Variants in AMD1 observed in about 807,000 individuals in gnomAD.
AMD1 encodes the protein S-adenosylmethionine decarboxylase proenzyme.
A neutral mutation model predicts 40.2 loss-of-function variants in AMD1; 11 were observed. That is an observed-to-expected ratio of 0.27 (90% CI 0.17 to 0.45). The LOEUF (loss-of-function observed/expected upper bound fraction) is 0.45, where lower values mean the gene tolerates loss of function less well. Ranked by LOEUF, AMD1 falls within the 20% of genes least tolerant of loss-of-function variation. AMD1 has a pLI of 1.00. For missense variants in AMD1, 257 were observed against 410.2 expected (o/e 0.63, Z 3.23); for synonymous variants, 121 against 130.8 (o/e 0.93, Z 0.51).
chr6:110,866,610 A>G, the AMD1 span, among the ~76,000 whole-genome samples: 2 of 152,172 alleles, frequency 1.3e-5, no homozygotes, highest in Non-Finnish European at 2.9e-5. Context: ...GTGAAAAGCT[A>G]TGTTCAGGTG....
At chr6:110,873,744 T>C (rs1054769206), upstream of AMD1, among the ~76,000 whole-genome samples, 6 of 151,534 alleles carry the variant, frequency 4.0e-5, no homozygotes, top group African/African-American at 1.2e-4. Context: ...TTAACACTTA[T>C]AAAATATTAG....
At position 110,893,409 on chromosome 6, in the gene AMD1, A is replaced by T. The variant is rs897622232; in HGVS notation, c.865-67A>T. On this transcript the variant is annotated intron_variant, in intron 8 of 8. Coordinates refer to ENST00000368885, the MANE Select transcript of AMD1 (RefSeq NM_001634.6). ...TCATTAAGATAAAAGTCTGTCACTT[A>T]ACTGTTTTGGTTGAAAATACTTCTC... 5.7e-6 allele frequency: 9 copies of T among 1,581,370 alleles called. No homozygotes were observed. The African/African-American group carries it at 1.2e-4, about 22-fold the overall frequency.
At chr6:110,850,342 C>A in the AMD1 span, among the ~76,000 whole-genome samples, 2 of 152,108 alleles carry the variant, frequency 1.3e-5, no homozygotes, top group Non-Finnish European at 2.9e-5. Context: ...GGGACTCAGG[C>A]GAAGCTGGGA....
chr6:110,858,123 T>C, the AMD1 span: 2 of 529,188 alleles, frequency 3.8e-6, no homozygotes, highest in Admixed American at 3.1e-5. Flanking sequence ...GGATTACAAC[T>C]GTGAGCCACC....
In AMD1 at chr6:110,894,257, A is replaced by C. The variant is rs1786187801; in HGVS notation, c.*641A>C. ...TGGACCCTGCATTTATAGTCCTTTG[A>C]TTTCTTCCCTCTCCCTGGTGTCTCC... is the stretch of plus-strand genomic sequence containing the variant. On this transcript the variant is annotated 3_prime_UTR_variant, in exon 9 of 9. Coordinates refer to ENST00000368885, the MANE Select transcript of AMD1 (RefSeq NM_001634.6). The C allele has an allele frequency of 6.6e-6, 1 of 152,626 alleles. No individual in the cohort carries two copies. Among genetic ancestry groups the C allele is most frequent in the African/African-American group, 2.4e-5 (1 of 41,412 alleles). The allele number at this position is 152,626 out of a possible 1,614,324, so 9.5% of individuals were successfully genotyped here.
At chr6:110,821,863 A>G in the AMD1 span, among the ~76,000 whole-genome samples, 4 of 152,222 alleles carry the variant, frequency 2.6e-5, no homozygotes, top group Non-Finnish European at 5.9e-5. Flanking sequence ...TACATCAAAA[A>G]GTCTGAAAGG....
At chr6:110,869,926 T>A (rs1784884257), upstream of AMD1, among the ~76,000 whole-genome samples, 1 of 151,266 alleles carries the variant, frequency 6.6e-6, no homozygotes, top group African/African-American at 2.4e-5. Flanking sequence ...TCTTCTTTTT[T>A]AAATAGAGAT....
the AMD1 span, among the ~76,000 whole-genome samples, chr6:110,836,054 G>A: frequency 2.7e-5 from 4 of 149,926 alleles, no homozygotes; most frequent in African/African-American, 7.4e-5. Context: ...AAGCTAGCTC[G>A]GTTTTCATTA....
chr6:110,854,281 C>G, the AMD1 span, among the ~76,000 whole-genome samples: 1 of 152,102 alleles, frequency 6.6e-6, no homozygotes, highest in South Asian at 2.1e-4. Flanking sequence ...GGGGACACTC[C>G]CCTTCTTACA....
chr6:110,817,851 T>C, the AMD1 span, among the ~76,000 whole-genome samples: 1 of 152,142 alleles, frequency 6.6e-6, no homozygotes. Flanking sequence ...AGCCAAATTT[T>C]TTTTTCACTC....
At chr6:110,879,088 C>T (rs1394299661) in intron 1 of AMD1, among the ~76,000 whole-genome samples, 1 of 152,112 alleles carries the variant, frequency 6.6e-6, no homozygotes, top group African/African-American at 2.4e-5. Context: ...CATGGCTGGG[C>T]TTGGTGGCTC....
At chr6:110,879,548 C>T (rs916096962) in intron 1 of AMD1, among the ~76,000 whole-genome samples, 1 of 152,186 alleles carries the variant, frequency 6.6e-6, no homozygotes, top group African/African-American at 2.4e-5. Flanking sequence ...TCTGAATTCA[C>T]TGCCGCAGGA....
chr6:110,861,771 G>A, the AMD1 span, among the ~76,000 whole-genome samples: 1 of 152,004 alleles, frequency 6.6e-6, no homozygotes, highest in African/African-American at 2.4e-5. Flanking sequence ...GAACCTGGGA[G>A]GCTGAGGTTG....
the AMD1 span, among the ~76,000 whole-genome samples, chr6:110,859,777 T>C: frequency 6.6e-6 from 1 of 152,170 alleles, no homozygotes; most frequent in African/African-American, 2.4e-5. Context: ...TTCTGCGTTG[T>C]TGGGGCTAAG....
the AMD1 span, among the ~76,000 whole-genome samples, chr6:110,824,099 CAA>C: frequency 2.0e-5 from 3 of 152,152 alleles, no homozygotes; most frequent in Non-Finnish European, 4.4e-5. Flanking sequence ...GTTATTATAT[CAA>C]AAAGACACCT....
the AMD1 span, among the ~76,000 whole-genome samples, chr6:110,829,426 T>A: frequency 6.6e-6 from 1 of 151,302 alleles, no homozygotes; most frequent in Non-Finnish European, 1.5e-5. Context: ...ATGCCTGTAA[T>A]CCCAGCAGTT....
At chr6:110,858,532 C>T in the AMD1 span, 5 of 1,595,816 alleles carry the variant, frequency 3.1e-6, no homozygotes, top group East Asian at 6.7e-5. Context: ...TGGTCAGCTA[C>T]GGCATGAACA....
the AMD1 span, chr6:110,858,551 C>G: frequency 6.2e-7 from 1 of 1,601,006 alleles, no homozygotes. Context: ...CACCGTGGAC[C>G]TGTTCGATGC....
chr6:110,816,596 T>C, the AMD1 span, among the ~76,000 whole-genome samples: 19 of 152,262 alleles, frequency 1.2e-4, no homozygotes. Context: ...AAAGGAAATT[T>C]TCGTAATTAA....
Sources: allele counts gnomAD v4.1 joint callset (sites outside exome capture counted in the v4.1 genomes callset), GRCh38; gene constraint gnomAD v4.1.1; transcripts MANE v1.5; gene names NCBI Gene and HGNC (gene_info 2026-07-23, HGNC 2026-07-21).